Variants in JAZF1 observed in about 807,000 individuals in gnomAD.
JAZF1 encodes the protein JAZF zinc finger 1.
In JAZF1, 8 loss-of-function variants were observed where a neutral mutation model predicts 26.4. The observed-to-expected ratio is 0.30, with a 90% CI of 0.18 to 0.55. JAZF1 has a LOEUF of 0.55. Ranked by LOEUF, JAZF1 falls within the 20% of genes least tolerant of loss-of-function variation. The probability of loss-of-function intolerance (pLI) is 0.94; values close to 1 mark genes in which losing one functional copy is unlikely to be tolerated. For missense variants in JAZF1, 199 were observed against 322.0 expected (o/e 0.62, Z 2.92); for synonymous variants, 126 against 122.3 (o/e 1.03, Z -0.20).
At chr7:27,979,857 T>C (rs561575238) in intron 2 of JAZF1, among the ~76,000 whole-genome samples, 2 of 152,284 alleles carry the variant, frequency 1.3e-5, no homozygotes, top group South Asian at 4.1e-4. Flanking sequence ...AGGCCTGTTA[T>C]GCTAGGGTTT....
intron 1 of JAZF1, among the ~76,000 whole-genome samples, chr7:28,105,115 A>AT (rs1052092897): frequency 1.3e-5 from 2 of 151,412 alleles, no homozygotes; most frequent in Admixed American, 6.6e-5. Context: ...ACATGTCCGG[A>AT]TTTTTTTTTA....
At chr7:28,109,228 A>G (rs1437045134) in intron 1 of JAZF1, among the ~76,000 whole-genome samples, 1 of 152,252 alleles carries the variant, frequency 6.6e-6, no homozygotes, top group East Asian at 1.9e-4. Context: ...CACACACACA[A>G]AGATAACTAT....
In JAZF1 at chr7:28,170,203, G is replaced by T. The variant is rs1048871776; in HGVS notation, c.115+10260C>A. 2.0e-5 allele frequency among the ~76,000 whole-genome samples: 3 copies of T among 152,094 alleles called. No homozygotes were observed. The South Asian group carries it at 6.2e-4, about 32-fold the overall frequency. On this transcript the variant is annotated intron_variant, in intron 1 of 4. Coordinates refer to ENST00000283928, the MANE Select transcript of JAZF1 (RefSeq NM_175061.4). ...ACCAGAAGGCTGAGGCAGGAGGATCGCTGGAGCCCAAAAGTTCAAGATCAG... is the reference window on the plus strand; with the variant it reads ...ACCAGAAGGCTGAGGCAGGAGGATCTCTGGAGCCCAAAAGTTCAAGATCAG...
Position 27,838,678 on chromosome 7 carries a change from C to T in JAZF1, c.555+2020G>A, listed in dbSNP as rs189943248. Among the ~76,000 whole-genome samples, 5 of 152,366 alleles carry T rather than the reference C, an allele frequency of 3.3e-5. No individual in the cohort carries two copies. The East Asian group carries it at 7.7e-4, about 24-fold the overall frequency. Reference sequence around the variant, plus strand: ...ATGAAATACTAATCGCACTGGAGCACAGCCCTGCCTTCCAGCCAGCAACTT... The same window carrying T: ...ATGAAATACTAATCGCACTGGAGCATAGCCCTGCCTTCCAGCCAGCAACTT... On this transcript the variant is annotated intron_variant, in intron 4 of 4. Coordinates refer to ENST00000283928, the MANE Select transcript of JAZF1 (RefSeq NM_175061.4).
intron 1 of JAZF1, among the ~76,000 whole-genome samples, chr7:28,072,088 A>T (rs1027812919): frequency 6.6e-6 from 1 of 152,260 alleles, no homozygotes. Flanking sequence ...GAAGACGAAT[A>T]AAGGAAACAC....
chr7:27,897,975 G>A (rs561559102), intron 2 of JAZF1, among the ~76,000 whole-genome samples: 49 of 152,228 alleles, frequency 3.2e-4, no homozygotes, highest in Non-Finnish European at 6.2e-4. Context: ...ACTGTTGTGA[G>A]AGTAAATGAG....
intron 1 of JAZF1, among the ~76,000 whole-genome samples, chr7:28,041,301 T>G (rs757002960): frequency 2.5e-4 from 38 of 152,246 alleles, no homozygotes; most frequent in Non-Finnish European, 4.4e-4. Flanking sequence ...AAGTTCACCC[T>G]CTTTCCAAGT....
chr7:28,021,353 A>T (rs1472455947), intron 1 of JAZF1, among the ~76,000 whole-genome samples: 2 of 152,178 alleles, frequency 1.3e-5, no homozygotes, highest in Non-Finnish European at 2.9e-5. Context: ...ATCACTTCCT[A>T]ACTGTCCATC....
chr7:27,984,809 C>T (rs951207808), intron 2 of JAZF1, among the ~76,000 whole-genome samples: 6 of 152,212 alleles, frequency 3.9e-5, no homozygotes, highest in Non-Finnish European at 8.8e-5. Context: ...TCACTCAAAA[C>T]CACTCAACTA....
intron 2 of JAZF1, among the ~76,000 whole-genome samples, chr7:27,956,308 T>C (rs1415612451): frequency 1.3e-5 from 2 of 152,162 alleles, no homozygotes; most frequent in Non-Finnish European, 2.9e-5. Context: ...ATTATAAAAC[T>C]GAGGGTCCGG....
In JAZF1 at chr7:27,832,191, C is replaced by T. The variant is rs1782717673; in HGVS notation, c.*609G>A. 2 of 210,616 alleles carry T rather than the reference C, an allele frequency of 9.5e-6. No individual in the cohort carries two copies. Among genetic ancestry groups the T allele is most frequent in the African/African-American group, 4.6e-5 (2 of 43,864 alleles). 13.0% of individuals were successfully genotyped at this position (210,616 alleles called of 1,614,324 possible). On this transcript the variant is annotated 3_prime_UTR_variant, in exon 5 of 5. Coordinates refer to ENST00000283928, the MANE Select transcript of JAZF1 (RefSeq NM_175061.4). ...GCTTTTTAAAGGGCAAAAGGATTTG[C>T]AAGATAATATAAAACACAGAAAGCA...
intron 1 of JAZF1, among the ~76,000 whole-genome samples, chr7:28,057,210 G>A (rs1227679966): frequency 1.3e-5 from 2 of 152,222 alleles, no homozygotes; most frequent in African/African-American, 4.8e-5. Context: ...CTAAATAAAT[G>A]AATTGGTAAT....
At chr7:27,889,804 G>A (rs868537964) in intron 3 of JAZF1, among the ~76,000 whole-genome samples, 28 of 152,042 alleles carry the variant, frequency 1.8e-4, no homozygotes, top group African/African-American at 6.0e-4. Context: ...GTGTTGATGC[G>A]CACCTGTATT....
chr7:27,899,601 A>G (rs1481080750), intron 2 of JAZF1, among the ~76,000 whole-genome samples: 1 of 151,634 alleles, frequency 6.6e-6, no homozygotes, highest in African/African-American at 2.4e-5. Flanking sequence ...TGCCCAGGTA[A>G]TTTTTGGATT....
chr7:27,836,691 G>C (rs1583422275), intron 4 of JAZF1, among the ~76,000 whole-genome samples: 1 of 152,182 alleles, frequency 6.6e-6, no homozygotes, highest in African/African-American at 2.4e-5. Flanking sequence ...ACTTGCAGCA[G>C]TGTGGACACC....
At chr7:27,993,463 C>T (rs1785947227) in intron 1 of JAZF1, among the ~76,000 whole-genome samples, 1 of 152,198 alleles carries the variant, frequency 6.6e-6, no homozygotes, top group South Asian at 2.1e-4. Context: ...CTCTTACTCA[C>T]ACTCATTTAA....
chr7:28,107,059 T>C (rs918383140), intron 1 of JAZF1, among the ~76,000 whole-genome samples: 1 of 152,208 alleles, frequency 6.6e-6, no homozygotes, highest in African/African-American at 2.4e-5. Flanking sequence ...AATTCCTAAT[T>C]GCAGCAGAAG....
At chr7:27,972,905 TATATAG>T (rs1439671102) in intron 2 of JAZF1, among the ~76,000 whole-genome samples, 2 of 150,620 alleles carry the variant, frequency 1.3e-5, no homozygotes, top group African/African-American at 2.4e-5. Context: ...ATGTATGCAA[TATATAG>T]ATATATTTTA....
At chr7:27,955,662 C>G (rs62451153) in intron 2 of JAZF1, among the ~76,000 whole-genome samples, 291 of 152,298 alleles carry the variant, frequency 1.9e-3, no homozygotes, top group Admixed American at 3.1e-3. Context: ...ACCTGCTCAG[C>G]AATTTGACTA....
Sources: gnomAD v4.1 joint callset for allele counts (sites outside exome capture counted in the v4.1 genomes callset) on GRCh38, gnomAD v4.1.1 for gene constraint, MANE v1.5 for transcripts, NCBI Gene and HGNC (gene_info 2026-07-23, HGNC 2026-07-21) for gene names.